SPRED2: variants seen among roughly 807,000 people sequenced by gnomAD.
SPRED2 encodes sprouty-related, EVH1 domain-containing protein 2.
Under a neutral mutation model 43.0 loss-of-function variants are expected in SPRED2, and 47 were observed. The observed-to-expected ratio is 1.09, with a 90% CI of 0.87 to 1.40. The LOEUF (loss-of-function observed/expected upper bound fraction) is 1.40, where lower values mean the gene tolerates loss of function less well. Ranked by LOEUF, SPRED2 falls within the 40% of genes most tolerant of loss-of-function variation. The probability of loss-of-function intolerance (pLI) is 0.00; values close to 1 mark genes in which losing one functional copy is unlikely to be tolerated. For synonymous variants in SPRED2, 225 were observed against 225.7 expected (o/e 1.00, Z 0.03); for missense variants, 561 against 586.4 (o/e 0.96, Z 0.45).
intron 1 of SPRED2, among the ~76,000 whole-genome samples, chr2:65,410,476 C>T (rs1351777732): frequency 6.6e-6 from 1 of 152,040 alleles, no homozygotes; most frequent in Non-Finnish European, 1.5e-5. Context: ...TGGTTCCCAA[C>T]TGGCCTGGCA....
chr2:65,362,515 C>T (rs571314271), intron 1 of SPRED2, among the ~76,000 whole-genome samples: 72 of 152,128 alleles, frequency 4.7e-4, no homozygotes, highest in South Asian at 3.5e-3. Context: ...GGTGATCCAC[C>T]CACCTCAGCC....
At chr2:65,400,710 T>C (rs1261629681) in intron 1 of SPRED2, among the ~76,000 whole-genome samples, 3 of 152,174 alleles carry the variant, frequency 2.0e-5, no homozygotes, top group Admixed American at 2.0e-4. Context: ...TTTCCTTTCT[T>C]GCTCTGATGG....
chr2:65,324,022 G>A (rs985917742), intron 4 of SPRED2, among the ~76,000 whole-genome samples: 1 of 151,674 alleles, frequency 6.6e-6, no homozygotes, highest in African/African-American at 2.4e-5. Flanking sequence ...CAGTCCTCAA[G>A]CACCAGGCCT....
Position 65,316,747 on chromosome 2 carries a change from T to TAGTG in SPRED2, c.571_574dup (p.Tyr192SerfsTer73). On this transcript the variant is annotated frameshift_variant, in exon 5 of 6. Transcript: ENST00000356388. LOFTEE classifies it high-confidence loss of function. The stretch of plus-strand genomic sequence containing the variant: ...GCTGCTGCTCACCTGATCGAGGTGA[T>TAGTG]AGTGGTCTGTGGGGTATGAGTCGTG... 1 of 1,611,066 alleles carries TAGTG rather than the reference T, an allele frequency of 6.2e-7. No individual in the cohort carries two copies. The highest frequency in any genetic ancestry group is 8.5e-7 in the Non-Finnish European group (1 of 1,179,004).
intron 1 of SPRED2, among the ~76,000 whole-genome samples, chr2:65,384,702 T>C (rs1261488262): frequency 6.6e-6 from 1 of 152,178 alleles, no homozygotes; most frequent in East Asian, 1.9e-4. Flanking sequence ...AAACTCATCC[T>C]TTCCCTCAAG....
At chr2:65,420,008 G>A (rs1239189170) in intron 1 of SPRED2, among the ~76,000 whole-genome samples, 3 of 151,974 alleles carry the variant, frequency 2.0e-5, no homozygotes, top group South Asian at 2.1e-4. Flanking sequence ...TCAGGAGTTC[G>A]AGACCAGCCA....
intron 1 of SPRED2, among the ~76,000 whole-genome samples, chr2:65,371,791 C>T (rs1462716081): frequency 6.6e-6 from 1 of 151,642 alleles, no homozygotes; most frequent in Non-Finnish European, 1.5e-5. Flanking sequence ...AAGTAAGAGG[C>T]TCAACCGGGC....
chr2:65,344,463 A>G (rs1361266477), intron 2 of SPRED2: 1 of 594,996 alleles, frequency 1.7e-6, no homozygotes, highest in African/African-American at 1.9e-5. Flanking sequence ...CATCTTAATC[A>G]AAGATGCAAA....
chr2:65,407,252 T>C (rs1396776758), intron 1 of SPRED2, among the ~76,000 whole-genome samples: 2 of 144,662 alleles, frequency 1.4e-5, no homozygotes, highest in Non-Finnish European at 3.1e-5. Context: ...CTCCTTTTTT[T>C]TTTTTTGCTA....
At chr2:65,332,105 C>A in intron 3 of SPRED2, 54 bp from the exon 4 acceptor site, 1 of 1,180,744 alleles carries the variant, frequency 8.5e-7, no homozygotes. Context: ...ACATCAAATC[C>A]AACCGTTTAA....
At chr2:65,429,842 G>A (rs7569257) in intron 1 of SPRED2, among the ~76,000 whole-genome samples, 73,783 of 151,970 alleles carry the variant, frequency 0.49, 20,088 homozygotes, top group African/African-American at 0.75. Flanking sequence ...ACTCGTGACA[G>A]CAGTGGAGGC....
At chr2:65,338,227 C>CG (rs1481892564) in intron 2 of SPRED2, among the ~76,000 whole-genome samples, 11 of 85,714 alleles carry the variant, frequency 1.3e-4, no homozygotes, top group East Asian at 3.8e-4. Flanking sequence ...CTCCCTCTCC[C>CG]TCTCCCGTCT....
At chr2:65,370,592 G>T (rs1675100199) in intron 1 of SPRED2, among the ~76,000 whole-genome samples, 1 of 152,192 alleles carries the variant, frequency 6.6e-6, no homozygotes, top group Non-Finnish European at 1.5e-5. Flanking sequence ...AGAAATGTTG[G>T]TTGTTGGTCC....
chr2:65,329,855 A>G (rs940915835), intron 4 of SPRED2, among the ~76,000 whole-genome samples: 73 of 152,296 alleles, frequency 4.8e-4, no homozygotes, highest in African/African-American at 1.8e-3. Context: ...GTTGGGAGCT[A>G]TATCACACCA....
intron 1 of SPRED2, among the ~76,000 whole-genome samples, chr2:65,373,285 C>T (rs755444214): frequency 6.6e-6 from 1 of 152,000 alleles, no homozygotes; most frequent in African/African-American, 2.4e-5. Context: ...TCCAACACAG[C>T]GAAATGAGAA....
chr2:65,415,075 T>A (rs1474476512), intron 1 of SPRED2, among the ~76,000 whole-genome samples: 1 of 152,220 alleles, frequency 6.6e-6, no homozygotes, highest in Admixed American at 6.5e-5. Flanking sequence ...GTGTGAGCCA[T>A]CACAACTAGC....
chr2:65,431,534 C>T (rs1019954070), intron 1 of SPRED2, among the ~76,000 whole-genome samples: 2 of 152,166 alleles, frequency 1.3e-5, no homozygotes, highest in Admixed American at 6.5e-5. Context: ...CAGTGGGCTC[C>T]GGAGCGGACT....
intron 2 of SPRED2, among the ~76,000 whole-genome samples, chr2:65,338,749 C>T (rs1236897494): frequency 1.3e-5 from 2 of 151,864 alleles, no homozygotes; most frequent in East Asian, 2.0e-4. Context: ...GCGTCTCTGC[C>T]TGGCTGCCCA....
chr2:65,428,637 A>C (rs1676608403), intron 1 of SPRED2, among the ~76,000 whole-genome samples: 1 of 152,264 alleles, frequency 6.6e-6, no homozygotes, highest in African/African-American at 2.4e-5. Flanking sequence ...TATTAATGGG[A>C]AACATTTCAA....
Sources: gnomAD v4.1 joint callset for allele counts (sites outside exome capture counted in the v4.1 genomes callset) on GRCh38, gnomAD v4.1.1 for gene constraint, MANE v1.5 for transcripts, NCBI Gene and HGNC (gene_info 2026-07-23, HGNC 2026-07-21) for gene names.